The following KCNIP4 variants were observed in gnomAD, a reference collection of about 807,000 sequenced individuals.
The protein encoded by KCNIP4 is Kv channel-interacting protein 4.
A neutral mutation model predicts 34.0 loss-of-function variants in KCNIP4; 12 were observed. The observed-to-expected ratio is 0.35, with a 90% CI of 0.23 to 0.57. The LOEUF (loss-of-function observed/expected upper bound fraction) is 0.57. Among genes scored for constraint, KCNIP4 ranks in the 20% least tolerant of loss-of-function variants. The pLI is 0.83. For missense variants in KCNIP4, 238 were observed against 311.7 expected (o/e 0.76, Z 1.78); for synonymous variants, 124 against 102.2 (o/e 1.21, Z -1.29).
At chr4:21,153,515 G>GTATATATATATATATA (rs59614946) in intron 1 of KCNIP4, among the ~76,000 whole-genome samples, 1 of 140,906 alleles carries the variant, frequency 7.1e-6, no homozygotes, top group East Asian at 2.1e-4. Context: ...ATGTGTGTGT[G>GTATATATATATATATA]TATATATATA....
intron 1 of KCNIP4, among the ~76,000 whole-genome samples, chr4:21,746,000 C>T (rs1716753666): frequency 1.3e-5 from 2 of 152,074 alleles, no homozygotes; most frequent in South Asian, 4.1e-4. Context: ...GGCTAGATGT[C>T]CTAGATTAAG....
intron 1 of KCNIP4, among the ~76,000 whole-genome samples, chr4:21,061,479 G>T (rs1743910128): frequency 6.6e-6 from 1 of 152,074 alleles, no homozygotes; most frequent in Non-Finnish European, 1.5e-5. Flanking sequence ...CAGGCAAATT[G>T]AAAGCAAGGT....
intron 1 of KCNIP4, among the ~76,000 whole-genome samples, chr4:21,334,285 T>G (rs1423712666): frequency 1.3e-5 from 2 of 151,846 alleles, no homozygotes; most frequent in Non-Finnish European, 2.9e-5. Context: ...AATAAAAGGG[T>G]GAAATGATTA....
intron 3 of KCNIP4, among the ~76,000 whole-genome samples, chr4:20,796,538 T>C (rs1386784120): frequency 6.6e-6 from 1 of 151,848 alleles, no homozygotes; most frequent in Non-Finnish European, 1.5e-5. Flanking sequence ...CCTTGTTTAA[T>C]AATAACACTC....
rs114850575 is a variant in KCNIP4, at chr4:21,118,466, A to G, written c.62-235757T>C. Among the ~76,000 whole-genome samples, 619 of 152,184 alleles carry G rather than the reference A, an allele frequency of 4.1e-3. 2 individuals carry two copies. The highest frequency in any genetic ancestry group is 0.014 in the African/African-American group (594 of 41,514). On this transcript the variant is annotated intron_variant, in intron 1 of 8. Coordinates refer to ENST00000382152, the MANE Select transcript of KCNIP4 (RefSeq NM_025221.6). ...AGCTTCCCTGTGCCAACAACCTCCAATCAGGGCACTCCTGAAGCCTTCCCA... is the reference window on the plus strand; with the variant it reads ...AGCTTCCCTGTGCCAACAACCTCCAGTCAGGGCACTCCTGAAGCCTTCCCA...
chr4:21,391,977 C>T (rs1488163143), intron 1 of KCNIP4, among the ~76,000 whole-genome samples: 2 of 152,242 alleles, frequency 1.3e-5, no homozygotes, highest in East Asian at 3.9e-4. Context: ...ACTGTCTGAG[C>T]CCAGGGATAG....
chr4:21,933,596 T>TAGCC (rs1729694480), intron 1 of KCNIP4, among the ~76,000 whole-genome samples: 1 of 152,098 alleles, frequency 6.6e-6, no homozygotes, highest in African/African-American at 2.4e-5. Flanking sequence ...TCTTCCTTGC[T>TAGCC]AGCCATCTGT....
At chr4:21,460,432 C>T (rs1014608544) in intron 1 of KCNIP4, among the ~76,000 whole-genome samples, 6 of 151,972 alleles carry the variant, frequency 3.9e-5, no homozygotes, top group African/African-American at 1.5e-4. Context: ...ATTGCCATAC[C>T]GAAATACCAT....
chr4:21,739,494 C>G (rs1368549065), intron 1 of KCNIP4, among the ~76,000 whole-genome samples: 4 of 151,850 alleles, frequency 2.6e-5, no homozygotes, highest in East Asian at 1.9e-4. Flanking sequence ...ATGATATTGA[C>G]AAAAATCTTG....
chr4:21,637,989 G>A (rs187065292), intron 1 of KCNIP4, among the ~76,000 whole-genome samples: 10 of 152,128 alleles, frequency 6.6e-5, no homozygotes, highest in East Asian at 5.8e-4. Context: ...GGGCAGGGGG[G>A]AGAAAAACAG....
At chr4:21,895,553 A>G (rs1305109303) in intron 1 of KCNIP4, among the ~76,000 whole-genome samples, 1 of 152,176 alleles carries the variant, frequency 6.6e-6, no homozygotes, top group Non-Finnish European at 1.5e-5. Flanking sequence ...GGATCACCAC[A>G]AGAATTAAAT....
intron 2 of KCNIP4, among the ~76,000 whole-genome samples, chr4:20,860,628 A>C (rs1310524630): frequency 6.6e-6 from 1 of 152,156 alleles, no homozygotes; most frequent in Non-Finnish European, 1.5e-5. Context: ...CATTACTCCT[A>C]ATGTTTACAT....
intron 1 of KCNIP4, among the ~76,000 whole-genome samples, chr4:21,103,530 T>G (rs1748155184): frequency 6.6e-6 from 1 of 151,270 alleles, no homozygotes; most frequent in African/African-American, 2.4e-5. Flanking sequence ...TATTCAAATA[T>G]ACTTCCCATA....
At chr4:21,156,393 C>G (rs1383351386) in intron 1 of KCNIP4, among the ~76,000 whole-genome samples, 1 of 152,146 alleles carries the variant, frequency 6.6e-6, no homozygotes. Context: ...TCTAAACTGT[C>G]TTTCTCTGCT....
intron 1 of KCNIP4, among the ~76,000 whole-genome samples, chr4:21,559,841 C>G (rs1330263299): frequency 6.6e-6 from 1 of 152,128 alleles, no homozygotes; most frequent in Non-Finnish European, 1.5e-5. Flanking sequence ...TCTCTTACTA[C>G]TTCTATTCTT....
At chr4:21,685,509 T>C (rs138241883) in intron 1 of KCNIP4, among the ~76,000 whole-genome samples, 1 of 152,304 alleles carries the variant, frequency 6.6e-6, no homozygotes, top group Non-Finnish European at 1.5e-5. Context: ...CCTGAGGCAC[T>C]TGTCACAATG....
At chr4:20,841,254 T>C (rs1246654189) in intron 3 of KCNIP4, among the ~76,000 whole-genome samples, 2 of 152,188 alleles carry the variant, frequency 1.3e-5, no homozygotes, top group Admixed American at 6.6e-5. Flanking sequence ...GGGTCATTCA[T>C]TTGTTCACAT....
chr4:21,548,577 T>TA (rs199828998), intron 1 of KCNIP4, among the ~76,000 whole-genome samples: 15 of 145,930 alleles, frequency 1.0e-4, no homozygotes, highest in Admixed American at 3.4e-4. Flanking sequence ...CTCTGAAGTC[T>TA]AAAAAAAAAA....
At chr4:21,312,614 G>A (rs746538593) in intron 1 of KCNIP4, among the ~76,000 whole-genome samples, 19 of 152,098 alleles carry the variant, frequency 1.2e-4, no homozygotes, top group Non-Finnish European at 1.8e-4. Context: ...TTTTTTCTTC[G>A]AATAAAAGTA....
Sources: allele counts gnomAD v4.1 joint callset (sites outside exome capture counted in the v4.1 genomes callset), GRCh38; gene constraint gnomAD v4.1.1; transcripts MANE v1.5; gene names NCBI Gene and HGNC (gene_info 2026-07-23, HGNC 2026-07-21).